ST3GAL3: variants seen among roughly 807,000 people sequenced by gnomAD.
The protein encoded by ST3GAL3 is CMP-N-acetylneuraminate-beta-1,4-galactoside alpha-2,3-sialyltransferase.
ST3GAL3 carries 21 observed loss-of-function variants against 50.1 expected under a neutral mutation model. The ratio of observed to expected loss-of-function variants is 0.42; its 90% confidence interval spans 0.30 to 0.60. The LOEUF (loss-of-function observed/expected upper bound fraction) is 0.60, where lower values mean the gene tolerates loss of function less well. Among genes scored for constraint, ST3GAL3 ranks in the 20% least tolerant of loss-of-function variants. ST3GAL3 has a pLI of 0.19. For synonymous variants in ST3GAL3, 183 were observed against 190.0 expected (o/e 0.96, Z 0.30); for missense variants, 353 against 489.4 (o/e 0.72, Z 2.63).
chr1:43,764,476 G>A (rs1204481789), intron 2 of ST3GAL3, among the ~76,000 whole-genome samples: 1 of 152,122 alleles, frequency 6.6e-6, no homozygotes, highest in African/African-American at 2.4e-5. Context: ...AGCAAACTCT[G>A]AGATAAAGAT....
chr1:43,850,950 A>G, intron 5 of ST3GAL3: 1 of 1,037,408 alleles, frequency 9.6e-7, no homozygotes, highest in East Asian at 2.4e-5. Context: ...CCTGTAGAAG[A>G]TCGTGCGGAC....
chr1:43,858,202 C>G, intron 5 of ST3GAL3: 1 of 1,289,368 alleles, frequency 7.8e-7, no homozygotes, highest in Non-Finnish European at 1.0e-6. Context: ...GAGGTGAAGA[C>G]AGAGGATTGT....
intron 5 of ST3GAL3, among the ~76,000 whole-genome samples, chr1:43,870,739 C>T (rs542636212): frequency 1.1e-4 from 17 of 152,020 alleles, no homozygotes; most frequent in East Asian, 9.7e-4. Context: ...GATGGGAAGA[C>T]GATAGGCTTG....
At chr1:43,854,982 T>A (rs1300595744) in intron 5 of ST3GAL3, among the ~76,000 whole-genome samples, 2 of 152,180 alleles carry the variant, frequency 1.3e-5, no homozygotes, top group African/African-American at 4.8e-5. Context: ...GGTTCCTTCT[T>A]ATCACTATTT....
intron 9 of ST3GAL3, 182 bp from the exon 10 acceptor site, chr1:43,920,222 T>G (rs2082785388): frequency 1.5e-6 from 1 of 688,854 alleles, no homozygotes; most frequent in South Asian, 1.7e-5. Flanking sequence ...ATCATTCCCC[T>G]TGTCCCTGTC....
At chr1:43,781,623 G>T (rs1699378086) in intron 2 of ST3GAL3, among the ~76,000 whole-genome samples, 1 of 145,312 alleles carries the variant, frequency 6.9e-6, no homozygotes, top group Non-Finnish European at 1.5e-5. Flanking sequence ...AAAAAAAAAA[G>T]ATTTTTACAT....
At chr1:43,736,443 C>A (rs369996302) in intron 2 of ST3GAL3, 63 bp downstream of exon 2, 1 of 1,613,708 alleles carries the variant, frequency 6.2e-7, no homozygotes, top group Admixed American at 1.7e-5. Flanking sequence ...ACTGGTTTTT[C>A]GTGTGGCTGC....
At chr1:43,794,269 A>G (rs191187349) in intron 3 of ST3GAL3, among the ~76,000 whole-genome samples, 3 of 152,354 alleles carry the variant, frequency 2.0e-5, no homozygotes, top group Admixed American at 1.3e-4. Flanking sequence ...CAGGCATTTC[A>G]CAAAAGAGAA....
chr1:43,824,636 T>G, intron 4 of ST3GAL3: 1 of 1,466,548 alleles, frequency 6.8e-7, no homozygotes, highest in Non-Finnish European at 9.5e-7. Context: ...CTTCATGACA[T>G]CTAGCATTTT....
At chr1:43,765,753 CTGTGTGTGTGTG>C (rs778848698) in intron 2 of ST3GAL3, among the ~76,000 whole-genome samples, 6 of 115,718 alleles carry the variant, frequency 5.2e-5, no homozygotes, top group Non-Finnish European at 9.5e-5. Flanking sequence ...CTGTGTGTGT[CTGTGTGTGTGTG>C]TGTGTGTGTG....
At chr1:43,838,387 A>G in intron 5 of ST3GAL3, 76 bp downstream of exon 5, 1 of 1,327,838 alleles carries the variant, frequency 7.5e-7, no homozygotes, top group Admixed American at 1.7e-5. Flanking sequence ...TGCCTCTCAC[A>G]GCCAGTCATG....
chr1:43,831,312 A>G (rs2063511322), intron 4 of ST3GAL3, among the ~76,000 whole-genome samples: 1 of 152,252 alleles, frequency 6.6e-6, no homozygotes, highest in African/African-American at 2.4e-5. Context: ...GCCCTGGCCA[A>G]ATAACGTTTT....
At chr1:43,794,767 A>G (rs1270258795) in intron 3 of ST3GAL3, among the ~76,000 whole-genome samples, 1 of 152,226 alleles carries the variant, frequency 6.6e-6, no homozygotes, top group Non-Finnish European at 1.5e-5. Context: ...ATGCAACAAT[A>G]TGGATAAATA....
intron 4 of ST3GAL3, among the ~76,000 whole-genome samples, chr1:43,822,398 T>C (rs1297137449): frequency 2.6e-5 from 4 of 152,212 alleles, no homozygotes; most frequent in Non-Finnish European, 5.9e-5. Flanking sequence ...GCTGCCACAG[T>C]GTGGTGTTTT....
intron 3 of ST3GAL3, among the ~76,000 whole-genome samples, chr1:43,794,747 C>A (rs921515525): frequency 6.6e-6 from 1 of 152,044 alleles, no homozygotes; most frequent in Non-Finnish European, 1.5e-5. Context: ...AATGAGCAAA[C>A]CATAGCCAGA....
intron 5 of ST3GAL3, among the ~76,000 whole-genome samples, chr1:43,870,595 TTGGAAC>T (rs994402537): frequency 2.6e-4 from 37 of 144,990 alleles, no homozygotes; most frequent in African/African-American, 9.6e-4. Context: ...ACCTCAGGGG[TTGGAAC>T]TGGAGATGGA....
chr1:43,880,421 C>T (rs954268793), intron 5 of ST3GAL3, among the ~76,000 whole-genome samples: 16 of 152,284 alleles, frequency 1.1e-4, no homozygotes, highest in African/African-American at 3.6e-4. Flanking sequence ...TCCCTTTCCA[C>T]GGAAAAGATA....
chr1:43,737,199 AAC>A lies in ST3GAL3; in HGVS notation c.118+821_118+822del, dbSNP rs923699863. ...GGTGTGGGAAATAGTATAAAATCAG[AAC>A]AGAGTGGCCTGTTTTGACCTGCAGT... On this transcript the variant is annotated intron_variant, in intron 2 of 11. Transcript: ENST00000347631. The surrounding 1 kb of genome is among the most constrained non-coding windows in gnomAD (Gnocchi z 4.0). 45 of 152,614 alleles carry A rather than the reference AAC, an allele frequency of 2.9e-4. No individual in the cohort carries two copies. Among genetic ancestry groups the A allele is most frequent in the African/African-American group, 1.1e-3 (44 of 41,570 alleles). 9.5% of individuals were successfully genotyped at this position (152,614 alleles called of 1,614,324 possible). A position where few individuals can be genotyped will look rare whatever the true frequency, so the allele number is the denominator to read the frequency against.
intron 4 of ST3GAL3, 95 bp from the exon 5 acceptor site, chr1:43,838,124 A>AAAAAAAAAG (rs1431539829): frequency 5.7e-6 from 4 of 696,922 alleles, no homozygotes; most frequent in Admixed American, 2.2e-5. Context: ...CAAAAAAAAA[A>AAAAAAAAAG]AAAAAAGGGT....
Sources: allele counts gnomAD v4.1 joint callset (sites outside exome capture counted in the v4.1 genomes callset), GRCh38; gene constraint gnomAD v4.1.1; non-coding constraint Gnocchi (gnomAD v3.1); transcripts MANE v1.5; gene names NCBI Gene and HGNC (gene_info 2026-07-23, HGNC 2026-07-21).